CFAP73: variants seen among roughly 807,000 people sequenced by gnomAD.
CFAP73 encodes cilia and flagella associated protein 73, also known as cilia- and flagella-associated protein 73.
A neutral mutation model predicts 42.9 loss-of-function variants in CFAP73; 33 were observed. The observed-to-expected ratio is 0.77, with a 90% CI of 0.58 to 1.03. The LOEUF (loss-of-function observed/expected upper bound fraction) is 1.03. Among genes scored for constraint, CFAP73 ranks in the 50% least tolerant of loss-of-function variants. The pLI, the probability that CFAP73 is intolerant of heterozygous loss-of-function variation, is 0.00. For synonymous variants in CFAP73, 162 were observed against 186.8 expected (o/e 0.87, Z 1.08); for missense variants, 392 against 411.9 (o/e 0.95, Z 0.42).
Position 113,155,254 on chromosome 12 carries a change from C to T in CFAP73, c.691-6C>T. On this transcript the variant is annotated splice_region_variant and splice_polypyrimidine_tract_variant and intron_variant, in intron 5 of 7. Coordinates refer to ENST00000335621, the MANE Select transcript of CFAP73 (RefSeq NM_001144872.3). ...CATAATTGGGAGTGGGGCGGGTGTT[C>T]TCCAGGAATCCAAGTGGATTCAGAT... 6.6e-7 allele frequency: 1 copy of T among 1,524,790 alleles called. No homozygotes were observed. Among genetic ancestry groups the T allele is most frequent in the Non-Finnish European group, 8.9e-7 (1 of 1,126,584 alleles). The allele number at this position is 1,524,790 out of a possible 1,614,324, so 94.5% of individuals were successfully genotyped here.
At chr12:113,152,748 C>T in intron 2 of CFAP73, 35 bp from the exon 3 acceptor site, 2 of 1,483,056 alleles carry the variant, frequency 1.3e-6, no homozygotes, top group South Asian at 2.4e-5. Flanking sequence ...CCCGGACCCC[C>T]GAACCCACAC....
Position 113,159,134 on chromosome 12 carries a change from C to T in CFAP73, c.*445C>T. 1 of 1,566,040 alleles carries T rather than the reference C, an allele frequency of 6.4e-7. No individual in the cohort carries two copies. Among genetic ancestry groups the T allele is most frequent in the Non-Finnish European group, 8.6e-7 (1 of 1,157,850 alleles). On this transcript the variant is annotated 3_prime_UTR_variant, in exon 8 of 8. Transcript: ENST00000335621. ...CCTGCTGGGACAGGGATTCAGGGAG[C>T]TCAGCTGTTGGGATCACTCCCAAGA...
chr12:113,157,698 G>A lies in CFAP73; in HGVS notation c.*11+8G>A, dbSNP rs1427589680. The stretch of plus-strand genomic sequence containing the variant: ...CTCCTAGCCCTGACACAGGTGAGCA[G>A]CGGGAGAGGGAACCCCTGAGAGACC... On this transcript the variant is annotated splice_region_variant and intron_variant, in intron 7 of 7. Transcript: ENST00000335621. The A allele has an allele frequency of 1.3e-6, 2 of 1,547,738 alleles. No homozygotes were observed. Among genetic ancestry groups the A allele is most frequent in the Admixed American group, 2.0e-5 (1 of 50,964 alleles).
intron 1 of CFAP73, among the ~76,000 whole-genome samples, chr12:113,151,070 A>G (rs1256554805): frequency 6.6e-6 from 1 of 152,130 alleles, no homozygotes; most frequent in African/African-American, 2.4e-5. Context: ...TGTGGCTCCC[A>G]GAACAATGCA....
In CFAP73 at chr12:113,154,988, G is replaced by A. The variant is rs1592991027; in HGVS notation, c.691-272G>A. Among the ~76,000 whole-genome samples, 1 of 152,274 alleles carries A rather than the reference G, an allele frequency of 6.6e-6. No homozygotes were observed. Among genetic ancestry groups the A allele is most frequent in the South Asian group, 2.1e-4 (1 of 4,818 alleles). On this transcript the variant is annotated intron_variant, in intron 5 of 7. Transcript: ENST00000335621. This position sits in a 1 kb window ranked among gnomAD's most constrained non-coding sequence, Gnocchi z 4.7. ...AGTTCGAGACCAGCCTGGCCAACAT[G>A]GTGAAACCCTGTCTCTACTAAAAAT...
intron 1 of CFAP73, 127 bp downstream of exon 1, chr12:113,150,040 T>TATGA: frequency 1.2e-6 from 1 of 856,922 alleles, no homozygotes; most frequent in Non-Finnish European, 1.9e-6. Context: ...TTGTCCCCAC[T>TATGA]TCACAGAGGA....
Position 113,154,148 on chromosome 12 carries a change from G to A in CFAP73, c.469-266G>A, listed in dbSNP as rs984969072. ...CAAAAAATTAGTCGGGCGTGGTGGC[G>A]TGTGACTATAGTCCCAGCTACTTTG... On this transcript the variant is annotated intron_variant, in intron 4 of 7. Coordinates refer to ENST00000335621, the MANE Select transcript of CFAP73 (RefSeq NM_001144872.3). The surrounding 1 kb of genome is among the most constrained non-coding windows in gnomAD (Gnocchi z 4.7). 1.6e-4 allele frequency among the ~76,000 whole-genome samples: 24 copies of A among 151,970 alleles called. No individual in the cohort carries two copies. Among genetic ancestry groups the A allele is most frequent in the Non-Finnish European group, 2.5e-4 (17 of 67,994 alleles).
At chr12:113,152,946 A>T in intron 3 of CFAP73, 59 bp downstream of exon 3, 1 of 1,185,552 alleles carries the variant, frequency 8.4e-7, no homozygotes, top group South Asian at 1.4e-5. Flanking sequence ...ACACTCCTAT[A>T]GGGGCCCGGC....
intron 6 of CFAP73, 69 bp downstream of exon 6, chr12:113,155,487 C>T (rs1398097620): frequency 6.9e-7 from 1 of 1,452,480 alleles, no homozygotes; most frequent in African/African-American, 1.4e-5. Flanking sequence ...AGCCTAAAAC[C>T]CCACAGTTAG....
At position 113,158,940 on chromosome 12, in the gene CFAP73, C is replaced by T. The variant is rs567816792; in HGVS notation, c.*251C>T. 1.2e-6 allele frequency: 2 copies of T among 1,610,310 alleles called. No individual in the cohort carries two copies. The highest frequency in any genetic ancestry group is 1.7e-6 in the Non-Finnish European group (2 of 1,177,540). On this transcript the variant is annotated 3_prime_UTR_variant, in exon 8 of 8. Transcript: ENST00000335621. The surrounding 1 kb of genome is among the most constrained non-coding windows in gnomAD (Gnocchi z 4.9). ...CACCCCGGCCGAAGGCGCCCTGCTG[C>T]AGCTCCTGGACGCGGCGGCGGTTGC...
In CFAP73 at chr12:113,157,600, A is replaced by G; in HGVS notation, c.850-2A>G. 3 of 1,551,558 alleles carry G rather than the reference A, an allele frequency of 1.9e-6. No individual in the cohort carries two copies. The highest frequency in any genetic ancestry group is 2.6e-6 in the Non-Finnish European group (3 of 1,146,932). On this transcript the variant is annotated splice_acceptor_variant, in intron 6 of 7. Coordinates refer to ENST00000335621, the MANE Select transcript of CFAP73 (RefSeq NM_001144872.3). LOFTEE classifies it high-confidence loss of function. The stretch of plus-strand genomic sequence containing the variant: ...ATGTGACTTCGTGCTGGGCCCCCCC[A>G]GGTGAAGCTGTTCATGCAGGACCTC...
At chr12:113,152,214 A>G (rs1254169204) in intron 2 of CFAP73, among the ~76,000 whole-genome samples, 191 bp downstream of exon 2, 1 of 152,276 alleles carries the variant, frequency 6.6e-6, no homozygotes, top group Non-Finnish European at 1.5e-5. Flanking sequence ...TGTGCTGGGC[A>G]CTGCATTAAG....
chr12:113,154,717 A>T lies in CFAP73; in HGVS notation c.690+82A>T, dbSNP rs1305662733. Reference sequence around the variant, plus strand: ...GGGAGGAACGCCAGGGCTGATGAGGACCGATGGGGCAATGCTTACCCCAGA... The same window carrying T: ...GGGAGGAACGCCAGGGCTGATGAGGTCCGATGGGGCAATGCTTACCCCAGA... On this transcript the variant is annotated intron_variant, in intron 5 of 7. Transcript: ENST00000335621. The surrounding 1 kb of genome is among the most constrained non-coding windows in gnomAD (Gnocchi z 4.7). The T allele has an allele frequency of 2.2e-6, 3 of 1,369,182 alleles. No homozygotes were observed. The African/African-American group carries it at 4.6e-5, about 21-fold the overall frequency. 84.8% of individuals were successfully genotyped at this position (1,369,182 alleles called of 1,614,324 possible). A position where few individuals can be genotyped will look rare whatever the true frequency, so the allele number is the denominator to read the frequency against.
At chr12:113,153,559 G>A (rs1485989607) in intron 4 of CFAP73, among the ~76,000 whole-genome samples, 151 bp downstream of exon 4, 1 of 152,224 alleles carries the variant, frequency 6.6e-6, no homozygotes, top group African/African-American at 2.4e-5. Flanking sequence ...AGCGCTCACT[G>A]TAAGCAAGGG....
chr12:113,150,709 C>A (rs978791883), intron 1 of CFAP73, among the ~76,000 whole-genome samples: 1 of 152,198 alleles, frequency 6.6e-6, no homozygotes, highest in Non-Finnish European at 1.5e-5. Context: ...AAGGGCCCCT[C>A]CTCTGCCCAA....
intron 7 of CFAP73, chr12:113,157,974 G>C (rs552504925): frequency 2.2e-6 from 1 of 447,372 alleles, no homozygotes; most frequent in Admixed American, 3.4e-5. Flanking sequence ...GGGTGGTTGG[G>C]GCATGAAAAA....
rs1216863527 is a variant in CFAP73, at chr12:113,149,915, T to A, written c.56+2T>A. The stretch of plus-strand genomic sequence containing the variant: ...GGCTTTGCAAGAGAAACTGTCTACG[T>A]GAGTGGGACGTAGAGGGAGGGAGGG... On this transcript the variant is annotated splice_donor_variant, in intron 1 of 7. Coordinates refer to ENST00000335621, the MANE Select transcript of CFAP73 (RefSeq NM_001144872.3). LOFTEE classifies it high-confidence loss of function. 31 of 1,551,276 alleles carry A rather than the reference T, an allele frequency of 2.0e-5. No homozygotes were observed. The highest frequency in any genetic ancestry group is 2.7e-5 in the Non-Finnish European group (31 of 1,146,862).
Position 113,154,267 on chromosome 12 carries a change from G to A in CFAP73, c.469-147G>A. ...CACTCCAGCCCAGGTGACAGAGCGA[G>A]ACCTTGTCTCTAACAAATGGAGGTT... On this transcript the variant is annotated intron_variant, in intron 4 of 7. Coordinates refer to ENST00000335621, the MANE Select transcript of CFAP73 (RefSeq NM_001144872.3). This position sits in a 1 kb window ranked among gnomAD's most constrained non-coding sequence, Gnocchi z 4.7. The A allele has an allele frequency of 1.0e-6, 1 of 1,001,024 alleles. No individual in the cohort carries two copies. The highest frequency in any genetic ancestry group is 1.5e-6 in the Non-Finnish European group (1 of 680,628). The allele number at this position is 1,001,024 out of a possible 1,614,324, so 62.0% of individuals were successfully genotyped here.
rs1214435983 is a variant in CFAP73 at position 113,155,277 on chromosome 12, G to A, written c.708G>A (p.Gln236=). The A allele has an allele frequency of 1.3e-6, 2 of 1,540,334 alleles. No individual in the cohort carries two copies. The highest frequency in any genetic ancestry group is 1.8e-6 in the Non-Finnish European group (2 of 1,138,022). ...RTLQWESKWI[Q]IQNTAAEKTL... ...TTCTCCAGGAATCCAAGTGGATTCA[G>A]ATTCAGAACACAGCAGCGGAGAAGA... Residue 236 remains glutamine, a synonymous_variant, in exon 6 of 8, where the codon CAG becomes CAA. Coordinates refer to ENST00000335621, the MANE Select transcript of CFAP73 (RefSeq NM_001144872.3).
Sources: allele counts gnomAD v4.1 joint callset (sites outside exome capture counted in the v4.1 genomes callset), GRCh38; gene constraint gnomAD v4.1.1; non-coding constraint Gnocchi (gnomAD v3.1); transcripts MANE v1.5; gene names NCBI Gene and HGNC (gene_info 2026-07-23, HGNC 2026-07-21).